The following SPNS3 variants were observed in gnomAD, a reference collection of about 807,000 sequenced individuals.
SPNS3 encodes SPNS lysolipid transporter 3, sphingosine-1-phosphate (putative), also known as protein spinster homolog 3.
SPNS3 carries 51 observed loss-of-function variants against 54.4 expected under a neutral mutation model. That is an observed-to-expected ratio of 0.94 (90% confidence interval 0.75 to 1.18). The LOEUF (loss-of-function observed/expected upper bound fraction) is 1.18. Among genes scored for constraint, SPNS3 ranks in the 50% most tolerant of loss-of-function variants. SPNS3 has a pLI of 0.00. For synonymous variants in SPNS3, 309 were observed against 294.7 expected, an observed-to-expected ratio of 1.05 and a Z score of -0.50; for missense variants, 669 against 677.4, an observed-to-expected ratio of 0.99 and a Z score of 0.14.
intron 2 of SPNS3, 133 bp downstream of exon 2, chr17:4,439,856 C>T (rs1159842865): frequency 5.2e-6 from 4 of 765,088 alleles, no homozygotes. Context: ...GGGGTATGGG[C>T]CTGAGGGACA....
chr17:4,441,760 C>A (rs988632483), intron 2 of SPNS3, among the ~76,000 whole-genome samples: 2 of 141,354 alleles, frequency 1.4e-5, no homozygotes, highest in Non-Finnish European at 3.0e-5. Flanking sequence ...TCATGCCAGG[C>A]TGATTTTTGT....
intron 6 of SPNS3, among the ~76,000 whole-genome samples, chr17:4,448,841 C>T (rs985132047): frequency 1.3e-5 from 2 of 152,158 alleles, no homozygotes; most frequent in African/African-American, 4.8e-5. Context: ...CGGGAGGACT[C>T]AGAGGAAGAC....
intron 1 of SPNS3, among the ~76,000 whole-genome samples, chr17:4,436,657 C>T (rs1354640478): frequency 1.3e-5 from 2 of 152,188 alleles, no homozygotes; most frequent in East Asian, 1.9e-4. Context: ...AAACAAAAAA[C>T]CCCAAAGGGG....
intron 8 of SPNS3, among the ~76,000 whole-genome samples, chr17:4,476,720 T>C (rs1972012057): frequency 6.6e-6 from 1 of 152,092 alleles, no homozygotes; most frequent in African/African-American, 2.4e-5. Context: ...CCCGGCCCCA[T>C]GTCCTAGGCC....
chr17:4,457,063 A>G (rs1001091870), intron 8 of SPNS3, among the ~76,000 whole-genome samples: 1 of 152,150 alleles, frequency 6.6e-6, no homozygotes, highest in African/African-American at 2.4e-5. Flanking sequence ...ACTGAAGCCC[A>G]CAGATAGAAT....
chr17:4,437,216 C>A (rs1481241405), intron 1 of SPNS3, among the ~76,000 whole-genome samples: 1 of 152,080 alleles, frequency 6.6e-6, no homozygotes, highest in Non-Finnish European at 1.5e-5. Flanking sequence ...GCACGCTTGG[C>A]TCTGGATCAC....
At chr17:4,474,677 G>A (rs1440369139) in intron 8 of SPNS3, among the ~76,000 whole-genome samples, 1 of 152,176 alleles carries the variant, frequency 6.6e-6, no homozygotes, top group Non-Finnish European at 1.5e-5. Context: ...GTGCATGGAT[G>A]TGCACAGGAG....
At chr17:4,468,533 G>A (rs974183782) in intron 8 of SPNS3, among the ~76,000 whole-genome samples, 10 of 151,926 alleles carry the variant, frequency 6.6e-5, no homozygotes, top group Non-Finnish European at 1.5e-4. Context: ...GCCCTGAGCA[G>A]CTAGAAGCAT....
In SPNS3 at chr17:4,486,882, A is replaced by G. The variant is rs1419687664; in HGVS notation, c.1450+299A>G. 6.6e-6 allele frequency among the ~76,000 whole-genome samples: 1 copy of G among 152,098 alleles called. No individual in the cohort carries two copies. Among genetic ancestry groups the G allele is most frequent in the African/African-American group, 2.4e-5 (1 of 41,418 alleles). ...TGGAGAGGTATAAAGCAGGAAAGGA[A>G]GGAGAAAGGGGCCGGGCGCGGTGGC... On this transcript the variant is annotated intron_variant, in intron 11 of 11. Transcript: ENST00000355530. The surrounding 1 kb of genome is among the most constrained non-coding windows in gnomAD (Gnocchi z 5.5).
chr17:4,436,936 C>A (rs561586880), intron 1 of SPNS3, among the ~76,000 whole-genome samples: 48 of 152,280 alleles, frequency 3.2e-4, no homozygotes, highest in African/African-American at 1.1e-3. Context: ...ACCCACGAGC[C>A]TGGGGACCCG....
intron 8 of SPNS3, among the ~76,000 whole-genome samples, chr17:4,453,487 A>G (rs893733797): frequency 3.9e-5 from 6 of 152,182 alleles, no homozygotes; most frequent in East Asian, 1.9e-4. Flanking sequence ...GCATGGTGGC[A>G]GGCACCTATA....
chr17:4,486,020 C>A lies in SPNS3; in HGVS notation c.1180-208C>A. The A allele has an allele frequency of 2.1e-6, 1 of 478,900 alleles. No homozygotes were observed. Among genetic ancestry groups the A allele is most frequent in the Non-Finnish European group, 3.6e-6 (1 of 275,636 alleles). The allele number at this position is 478,900 out of a possible 1,614,324, so 29.7% of individuals were successfully genotyped here. On this transcript the variant is annotated intron_variant, in intron 9 of 11. Coordinates refer to ENST00000355530, the MANE Select transcript of SPNS3 (RefSeq NM_182538.5). The surrounding 1 kb of genome is among the most constrained non-coding windows in gnomAD (Gnocchi z 5.5). ...GCCCTGATCAGGGGCCTTGGCACCC[C>A]CATCCTGGGGCACTGGGGAAGCTTC...
At chr17:4,468,763 C>CTT (rs59681919) in intron 8 of SPNS3, among the ~76,000 whole-genome samples, 531 of 28,978 alleles carry the variant, frequency 0.018, 2 homozygotes, top group Middle Eastern at 0.081. Context: ...CTTTCTTTCT[C>CTT]TCTTTCTTTT....
chr17:4,449,544 CCTGGCT>C (rs766946443), intron 7 of SPNS3, among the ~76,000 whole-genome samples, 157 bp downstream of exon 7: 1 of 152,110 alleles, frequency 6.6e-6, no homozygotes. Context: ...CAGCAGGAGG[CCTGGCT>C]CTGGCTCTGG....
chr17:4,458,627 T>TTCTTTCTTTCTTTCTTTCTTTTCTG (rs1567564011), intron 8 of SPNS3, among the ~76,000 whole-genome samples: 14 of 145,576 alleles, frequency 9.6e-5, no homozygotes, highest in African/African-American at 3.6e-4. Flanking sequence ...CTTTCTTTCT[T>TTCTTTCTTTCTTTCTTTCTTTTCTG]TCTTTCTTTC....
intron 4 of SPNS3, 174 bp from the exon 5 acceptor site, chr17:4,446,722 G>A: frequency 1.6e-6 from 1 of 644,060 alleles, no homozygotes; most frequent in Non-Finnish European, 2.8e-6. Flanking sequence ...ACCTGACCGA[G>A]GGCAGTGGAC....
intron 2 of SPNS3, among the ~76,000 whole-genome samples, chr17:4,440,577 A>AG (rs1970824081): frequency 2.0e-5 from 3 of 152,098 alleles, no homozygotes; most frequent in Admixed American, 2.0e-4. Flanking sequence ...GACCTGCCTG[A>AG]GGGGGAGCCT....
At chr17:4,484,780 C>T (rs1048004086) in intron 9 of SPNS3, among the ~76,000 whole-genome samples, 14 of 151,870 alleles carry the variant, frequency 9.2e-5, no homozygotes, top group South Asian at 4.2e-4. Flanking sequence ...CTGCTGTAGC[C>T]CTGGGTTCTG....
chr17:4,474,946 G>C (rs571063913), intron 8 of SPNS3, among the ~76,000 whole-genome samples: 1 of 152,282 alleles, frequency 6.6e-6, no homozygotes, highest in Admixed American at 6.5e-5. Flanking sequence ...GTGGGTGTCC[G>C]TGTGTGGGTC....
Sources: allele counts gnomAD v4.1 joint callset (sites outside exome capture counted in the v4.1 genomes callset), GRCh38; gene constraint gnomAD v4.1.1; non-coding constraint Gnocchi (gnomAD v3.1); transcripts MANE v1.5; gene names NCBI Gene and HGNC (gene_info 2026-07-23, HGNC 2026-07-21).